NIM1K: variants seen among roughly 807,000 people sequenced by gnomAD.
The protein encoded by NIM1K is NIM1 serine/threonine protein kinase.
A neutral mutation model predicts 37.1 loss-of-function variants in NIM1K; 35 were observed. The observed-to-expected ratio is 0.94, with a 90% CI of 0.72 to 1.25. NIM1K has a LOEUF of 1.25. Ranked by LOEUF, NIM1K falls within the 50% of genes most tolerant of loss-of-function variation. NIM1K has a pLI of 0.00. For missense variants in NIM1K, 564 were observed against 548.0 expected (o/e 1.03, Z -0.29); for synonymous variants, 234 against 206.6 (o/e 1.13, Z -1.14).
intron 1 of NIM1K, among the ~76,000 whole-genome samples, chr5:43,208,266 T>C (rs141637940): frequency 6.6e-6 from 1 of 151,284 alleles, no homozygotes; most frequent in African/African-American, 2.4e-5. Flanking sequence ...AAAAAATGAA[T>C]AGGAATTGCT....
At chr5:43,198,198 TCTTTCTTTC>T in intron 1 of NIM1K, among the ~76,000 whole-genome samples, 1 of 40,530 alleles carries the variant, frequency 2.5e-5, no homozygotes, top group African/African-American at 8.8e-5. Flanking sequence ...TTTCTTTCTT[TCTTTCTTTC>T]TCTTTCTTTC....
chr5:43,207,489 G>T (rs1372719892), intron 1 of NIM1K: 1 of 740,388 alleles, frequency 1.4e-6, no homozygotes, highest in Non-Finnish European at 2.5e-6. Flanking sequence ...AAAGAAGGGA[G>T]ATAATTTTAT....
chr5:43,238,958 G>C (rs931651167), intron 1 of NIM1K, among the ~76,000 whole-genome samples: 30 of 123,514 alleles, frequency 2.4e-4, no homozygotes, highest in Non-Finnish European at 6.6e-5. Context: ...AAAGGCTGGC[G>C]GGGGCGGGGG....
intron 1 of NIM1K, chr5:43,232,573 C>T (rs1228250689): frequency 2.5e-6 from 4 of 1,578,738 alleles, no homozygotes; most frequent in African/African-American, 2.7e-5. Flanking sequence ...CATGAAGACA[C>T]AATCAGAGTG....
At chr5:43,216,717 A>G (rs1377435573) in intron 1 of NIM1K, among the ~76,000 whole-genome samples, 1 of 152,208 alleles carries the variant, frequency 6.6e-6, no homozygotes, top group Non-Finnish European at 1.5e-5. Flanking sequence ...TTGAGCAAAG[A>G]CCAGTAGGCA....
chr5:43,230,000 A>G lies in NIM1K; in HGVS notation c.-694-15082A>G, dbSNP rs540857726. Among the ~76,000 whole-genome samples, 5 of 151,938 alleles carry G rather than the reference A, an allele frequency of 3.3e-5. No individual in the cohort carries two copies. In the South Asian group the frequency reaches 1.0e-3, roughly 32 times the overall value. On this transcript the variant is annotated intron_variant, in intron 1 of 3. Coordinates refer to ENST00000326035, the MANE Select transcript of NIM1K (RefSeq NM_153361.4). ...CTTTGAAATATCTCTACCTTTACCT[A>G]TAGATAAACAGATACCAATTACATA...
chr5:43,264,301 G>C (rs559384675), intron 2 of NIM1K, among the ~76,000 whole-genome samples: 2 of 152,246 alleles, frequency 1.3e-5, no homozygotes, highest in Non-Finnish European at 2.9e-5. Context: ...GAATCTGGGT[G>C]CTCTTTTATT....
chr5:43,279,967 T>A lies in NIM1K; in HGVS notation c.562-13T>A. The A allele has an allele frequency of 6.3e-7, 1 of 1,596,688 alleles. No individual in the cohort carries two copies. Among genetic ancestry groups the A allele is most frequent in the Non-Finnish European group, 8.6e-7 (1 of 1,167,004 alleles). ...ACTGTAAAAATGACTTTTCTCTATG[T>A]CTTCTTCCACAGCATGAAAACCAAA... On this transcript the variant is annotated splice_polypyrimidine_tract_variant and intron_variant, in intron 3 of 3. Transcript: ENST00000326035.
At chr5:43,202,479 G>C (rs1474435732) in intron 1 of NIM1K, among the ~76,000 whole-genome samples, 5 of 152,142 alleles carry the variant, frequency 3.3e-5, no homozygotes, top group African/African-American at 9.7e-5. Flanking sequence ...CTCTGGGTCT[G>C]TTTATTCCAA....
In NIM1K at chr5:43,280,818, AAT is replaced by A; in HGVS notation, c.*90_*91del. 6.4e-6 allele frequency: 8 copies of A among 1,248,744 alleles called. No homozygotes were observed. The highest frequency in any genetic ancestry group is 8.7e-6 in the Non-Finnish European group (8 of 917,480). 77.4% of individuals were successfully genotyped at this position (1,248,744 alleles called of 1,614,324 possible). A position where few individuals can be genotyped will look rare whatever the true frequency, so the allele number is the denominator to read the frequency against. ...ACAACTTGAGTGGAGACATTTTTGT[AAT>A]TTTTAAATAAACTTAAATTTGAGAT... On this transcript the variant is annotated 3_prime_UTR_variant, in exon 4 of 4. Transcript: ENST00000326035.
intron 1 of NIM1K, among the ~76,000 whole-genome samples, chr5:43,224,291 G>A (rs1476589074): frequency 2.0e-5 from 3 of 151,942 alleles, no homozygotes; most frequent in Non-Finnish European, 4.4e-5. Flanking sequence ...TACCTGCATT[G>A]CTTGGACCCC....
chr5:43,239,410 T>C (rs1257302450), intron 1 of NIM1K, among the ~76,000 whole-genome samples: 1 of 151,862 alleles, frequency 6.6e-6, no homozygotes, highest in Non-Finnish European at 1.5e-5. Flanking sequence ...GTTAATTTTT[T>C]TGTATTTTTA....
intron 1 of NIM1K, among the ~76,000 whole-genome samples, chr5:43,224,034 T>C (rs1228627786): frequency 1.4e-5 from 2 of 145,332 alleles, no homozygotes; most frequent in Non-Finnish European, 3.0e-5. Flanking sequence ...AAAGGTTGAA[T>C]ACATTATTTT....
chr5:43,280,339 G>A lies in NIM1K; in HGVS notation c.921G>A (p.Gln307=), dbSNP rs771369903. The A allele has an allele frequency of 1.7e-5, 27 of 1,614,038 alleles. No individual in the cohort carries two copies. The highest frequency in any genetic ancestry group is 3.3e-4 in the Middle Eastern group (2 of 6,082). ...PCHRLIRGVL[Q]QIPTERYGID... ...ACCGACTCATCCGAGGAGTCCTTCA[G>A]CAGATCCCCACGGAGAGGTACGGAA... Residue 307 remains glutamine, a synonymous_variant, in exon 4 of 4, where the codon CAG becomes CAA. Coordinates refer to ENST00000326035, the MANE Select transcript of NIM1K (RefSeq NM_153361.4).
intron 1 of NIM1K, chr5:43,231,896 G>C: frequency 1.9e-6 from 2 of 1,062,310 alleles, no homozygotes; most frequent in Non-Finnish European, 2.8e-6. Flanking sequence ...GGGCAGTCAT[G>C]TCCTCACTGG....
chr5:43,256,633 G>GTCTC (rs1350121979), intron 2 of NIM1K, among the ~76,000 whole-genome samples: 1 of 152,164 alleles, frequency 6.6e-6, no homozygotes, highest in Non-Finnish European at 1.5e-5. Context: ...TCAATGGCTA[G>GTCTC]TCTCTCTGTC....
chr5:43,232,609 A>G, intron 1 of NIM1K: 1 of 1,563,174 alleles, frequency 6.4e-7, no homozygotes, highest in Non-Finnish European at 8.7e-7. Flanking sequence ...GGAGGTGAGG[A>G]TGGAGTTGTA....
intron 2 of NIM1K, among the ~76,000 whole-genome samples, chr5:43,261,869 C>A (rs1047984327): frequency 6.6e-6 from 1 of 152,124 alleles, no homozygotes; most frequent in African/African-American, 2.4e-5. Flanking sequence ...AATAGGAATC[C>A]TTTCCCCATT....
At chr5:43,273,270 C>T (rs1359670865) in intron 2 of NIM1K, among the ~76,000 whole-genome samples, 3 of 150,898 alleles carry the variant, frequency 2.0e-5, no homozygotes, top group African/African-American at 7.3e-5. Flanking sequence ...GTGGTGTGAT[C>T]TTGGCTCACT....
Sources: gnomAD v4.1 joint callset for allele counts (sites outside exome capture counted in the v4.1 genomes callset) on GRCh38, gnomAD v4.1.1 for gene constraint, MANE v1.5 for transcripts, NCBI Gene and HGNC (gene_info 2026-07-23, HGNC 2026-07-21) for gene names.